ZFAT: variants seen among roughly 807,000 people sequenced by gnomAD.
ZFAT encodes zinc finger protein ZFAT.
In ZFAT, 64 loss-of-function variants were observed where a neutral mutation model predicts 117.7. That is an observed-to-expected ratio of 0.54 (90% CI 0.44 to 0.67). The LOEUF is 0.67. ZFAT is among the 30% of genes least tolerant of loss of function. The pLI is 0.00. For synonymous variants in ZFAT, 679 were observed against 615.0 expected (o/e 1.10, Z -1.54); for missense variants, 1,433 against 1,584.5 (o/e 0.90, Z 1.62).
chr8:134,760,095 C>T, the ZFAT span, among the ~76,000 whole-genome samples: 6 of 151,062 alleles, frequency 4.0e-5, no homozygotes, highest in Non-Finnish European at 8.8e-5. Context: ...GGTGAAACCC[C>T]GTCTCTACTA....
intron 1 of ZFAT, among the ~76,000 whole-genome samples, chr8:134,696,769 G>C (rs1183841281): frequency 6.6e-6 from 1 of 152,200 alleles, no homozygotes; most frequent in Admixed American, 6.5e-5. Flanking sequence ...CCACCCAGCA[G>C]GGGTCCCTCC....
intron 11 of ZFAT, among the ~76,000 whole-genome samples, chr8:134,563,752 A>T (rs1217152924): frequency 6.6e-6 from 1 of 152,224 alleles, no homozygotes; most frequent in Admixed American, 6.5e-5. Flanking sequence ...CAGTGCCTGC[A>T]CGCAATGGAT....
intron 1 of ZFAT, among the ~76,000 whole-genome samples, chr8:134,706,576 C>A (rs1834156758): frequency 6.6e-6 from 1 of 152,140 alleles, no homozygotes. Context: ...CCTGTAATCC[C>A]AGCTACTCGG....
intron 3 of ZFAT, among the ~76,000 whole-genome samples, chr8:134,626,673 G>A (rs1237703931): frequency 2.0e-5 from 3 of 152,260 alleles, no homozygotes; most frequent in Admixed American, 6.5e-5. Context: ...ACACAAGTAT[G>A]TAAAACTCAG....
chr8:134,621,790 T>C (rs1430328685), intron 3 of ZFAT, among the ~76,000 whole-genome samples: 1 of 152,204 alleles, frequency 6.6e-6, no homozygotes, highest in East Asian at 1.9e-4. Context: ...TAAGCAACTC[T>C]GAAGAGCCCT....
the ZFAT span, among the ~76,000 whole-genome samples, chr8:134,732,791 G>A: frequency 2.6e-5 from 4 of 152,132 alleles, no homozygotes; most frequent in African/African-American, 9.7e-5. Context: ...AAAGATCAGG[G>A]GCTGCCAGGG....
chr8:134,681,071 C>T (rs1473641684), intron 1 of ZFAT, among the ~76,000 whole-genome samples: 1 of 152,194 alleles, frequency 6.6e-6, no homozygotes, highest in East Asian at 1.9e-4. Flanking sequence ...CCCAGTCAGT[C>T]CCAACTACCC....
chr8:134,682,669 AT>A (rs1293590065), intron 1 of ZFAT, among the ~76,000 whole-genome samples: 1 of 149,674 alleles, frequency 6.7e-6, no homozygotes, highest in Non-Finnish European at 1.5e-5. Context: ...ATAAAATAAA[AT>A]TAAATTAAAT....
At chr8:134,630,792 A>C (rs1233573910) in intron 3 of ZFAT, among the ~76,000 whole-genome samples, 1 of 152,222 alleles carries the variant, frequency 6.6e-6, no homozygotes, top group Non-Finnish European at 1.5e-5. Context: ...ATATCAAAAG[A>C]GTTATTTTAA....
chr8:134,684,733 T>C (rs1446801109), intron 1 of ZFAT, among the ~76,000 whole-genome samples: 1 of 152,138 alleles, frequency 6.6e-6, no homozygotes, highest in African/African-American at 2.4e-5. Context: ...TTAGATTACG[T>C]GGGGAAAAGG....
chr8:134,652,348 C>T (rs561445763), intron 2 of ZFAT, among the ~76,000 whole-genome samples: 2 of 152,214 alleles, frequency 1.3e-5, no homozygotes, highest in South Asian at 4.1e-4. Context: ...CAGCTCCATT[C>T]AGATTTCTTT....
At chr8:134,601,417 G>A (rs959799102) in intron 6 of ZFAT, 60 bp downstream of exon 6, 20 of 1,533,214 alleles carry the variant, frequency 1.3e-5, no homozygotes, top group South Asian at 6.4e-5. Flanking sequence ...AATCAAATGC[G>A]AGGTGACCAC....
At chr8:134,646,328 C>G (rs72719796) in intron 2 of ZFAT, among the ~76,000 whole-genome samples, 17,258 of 151,732 alleles carry the variant, frequency 0.11, 1,135 homozygotes, top group Non-Finnish European at 0.16. Flanking sequence ...AGCCATTGGG[C>G]CAAAAAGGAA....
chr8:134,814,024 G>A, the ZFAT span, among the ~76,000 whole-genome samples: 1 of 151,984 alleles, frequency 6.6e-6, no homozygotes, highest in Non-Finnish European at 1.5e-5. Flanking sequence ...TCAAGAGAAA[G>A]AATAAAACAC....
At chr8:134,782,537 T>C in the ZFAT span, among the ~76,000 whole-genome samples, 24 of 152,196 alleles carry the variant, frequency 1.6e-4, no homozygotes, top group Non-Finnish European at 3.2e-4. Flanking sequence ...CCTTATTTGT[T>C]TTACAAGGTC....
intron 3 of ZFAT, among the ~76,000 whole-genome samples, chr8:134,627,675 T>G (rs572881208): frequency 8.6e-4 from 131 of 152,258 alleles, no homozygotes; most frequent in African/African-American, 3.0e-3. Flanking sequence ...TCCCACCCAT[T>G]AGATATTGTA....
chr8:134,831,607 G>C, the ZFAT span, among the ~76,000 whole-genome samples: 1 of 152,224 alleles, frequency 6.6e-6, no homozygotes, highest in Non-Finnish European at 1.5e-5. Context: ...CCCGAGGGCA[G>C]AGTTTCTTGC....
At chr8:134,744,297 T>C in the ZFAT span, among the ~76,000 whole-genome samples, 5 of 62,994 alleles carry the variant, frequency 7.9e-5, no homozygotes, top group Admixed American at 5.3e-4. Flanking sequence ...GGCTAAGAGT[T>C]TTTTTTTTTT....
chr8:134,713,533 G>A (rs1468327800), upstream of ZFAT, among the ~76,000 whole-genome samples: 1 of 152,184 alleles, frequency 6.6e-6, no homozygotes, highest in Non-Finnish European at 1.5e-5. Context: ...GGTTTTAGGG[G>A]CTACAGAGCA....
Sources: allele counts gnomAD v4.1 joint callset (sites outside exome capture counted in the v4.1 genomes callset), GRCh38; gene constraint gnomAD v4.1.1; transcripts MANE v1.5; gene names NCBI Gene and HGNC (gene_info 2026-07-23, HGNC 2026-07-21).